The following PLCG2 variants were observed in gnomAD, a reference collection of about 807,000 sequenced individuals.
PLCG2 encodes 1-phosphatidylinositol 4,5-bisphosphate phosphodiesterase gamma-2.
Under a neutral mutation model 175.6 loss-of-function variants are expected in PLCG2, and 69 were observed. That is an observed-to-expected ratio of 0.39 (90% CI 0.32 to 0.48). The LOEUF is 0.48. Among genes scored for constraint, PLCG2 ranks in the 20% least tolerant of loss-of-function variants. The probability of loss-of-function intolerance (pLI) is 0.91; values close to 1 mark genes in which losing one functional copy is unlikely to be tolerated. For missense variants in PLCG2, 1,798 were observed against 1,650.9 expected, an observed-to-expected ratio of 1.09 and a Z score of -1.54; for synonymous variants, 827 against 624.0, an observed-to-expected ratio of 1.33 and a Z score of -4.85.
At chr16:81,868,565 C>T (rs905090809) in intron 5 of PLCG2, among the ~76,000 whole-genome samples, 6 of 152,110 alleles carry the variant, frequency 3.9e-5, no homozygotes, top group East Asian at 1.9e-4. Context: ...TCATGTGTGT[C>T]GCTAATTAGG....
chr16:81,890,934 G>T (rs1054537241), intron 10 of PLCG2, among the ~76,000 whole-genome samples: 1 of 152,146 alleles, frequency 6.6e-6, no homozygotes, highest in Non-Finnish European at 1.5e-5. Flanking sequence ...AGGCTGAGGC[G>T]GGTGGATCGC....
chr16:81,906,027 C>G (rs1397197408), intron 15 of PLCG2, among the ~76,000 whole-genome samples: 1 of 152,212 alleles, frequency 6.6e-6, no homozygotes, highest in Non-Finnish European at 1.5e-5. Context: ...TATATTTACA[C>G]ACACAAATAG....
At chr16:81,875,560 C>T (rs957020590) in intron 7 of PLCG2, among the ~76,000 whole-genome samples, 1 of 152,148 alleles carries the variant, frequency 6.6e-6, no homozygotes, top group African/African-American at 2.4e-5. Context: ...CTGACTTCAG[C>T]CATTATCACC....
chr16:81,939,883 T>G lies in PLCG2; in HGVS notation c.3314-9T>G. On this transcript the variant is annotated splice_polypyrimidine_tract_variant and intron_variant, in intron 29 of 32. Coordinates refer to ENST00000564138, the MANE Select transcript of PLCG2 (RefSeq NM_002661.5). Reference sequence around the variant, plus strand: ...ATGTGGCCTCTCATGAGCTTTGATCTCCTTCCAGATGATAATGGCCTCAGC... The same window carrying G: ...ATGTGGCCTCTCATGAGCTTTGATCGCCTTCCAGATGATAATGGCCTCAGC... The G allele has an allele frequency of 6.2e-7, 1 of 1,607,276 alleles. No individual in the cohort carries two copies. Among genetic ancestry groups the G allele is most frequent in the East Asian group, 2.2e-5 (1 of 44,792 alleles).
At chr16:81,938,539 T>A (rs1910808212) in intron 28 of PLCG2, 2 of 509,420 alleles carry the variant, frequency 3.9e-6, no homozygotes, top group Non-Finnish European at 7.0e-6. Flanking sequence ...GATGTGTGCA[T>A]TCATGAGCTC....
chr16:81,898,184 G>T, intron 13 of PLCG2: 1 of 194,874 alleles, frequency 5.1e-6, no homozygotes, highest in Non-Finnish European at 1.1e-5. Flanking sequence ...ACTAGAGGAA[G>T]TTTTTTCTGG....
chr16:81,956,658 G>A, intron 31 of PLCG2, 37 bp from the exon 32 acceptor site: 2 of 1,581,104 alleles, frequency 1.3e-6, no homozygotes, highest in Non-Finnish European at 1.7e-6. Flanking sequence ...GGAAGGTGTA[G>A]TCACCACATG....
At chr16:81,906,819 T>G (rs966249631) in intron 15 of PLCG2, among the ~76,000 whole-genome samples, 6 of 152,148 alleles carry the variant, frequency 3.9e-5, no homozygotes, top group Admixed American at 3.9e-4. Flanking sequence ...GAAGGCAGAT[T>G]ACGAGGTCAG....
intron 2 of PLCG2, among the ~76,000 whole-genome samples, chr16:81,805,572 A>T (rs1245730282): frequency 6.6e-6 from 1 of 151,440 alleles, no homozygotes; most frequent in Non-Finnish European, 1.5e-5. Flanking sequence ...AACAATAAGA[A>T]AACAACCCAA....
At chr16:81,935,050 G>A (rs1258494785) in intron 26 of PLCG2, among the ~76,000 whole-genome samples, 1 of 152,182 alleles carries the variant, frequency 6.6e-6, no homozygotes, top group Non-Finnish European at 1.5e-5. Flanking sequence ...CCCACTTAGT[G>A]GGTGGATTTA....
chr16:81,953,534 C>T (rs771895776), intron 31 of PLCG2, among the ~76,000 whole-genome samples: 1 of 151,938 alleles, frequency 6.6e-6, no homozygotes, highest in Non-Finnish European at 1.5e-5. Context: ...GCAGAGAGTG[C>T]CATAAAGATT....
intron 1 of PLCG2, among the ~76,000 whole-genome samples, chr16:81,752,462 G>T (rs943803743): frequency 6.6e-6 from 1 of 152,150 alleles, no homozygotes; most frequent in Admixed American, 6.5e-5. Flanking sequence ...GCGGCTGGCC[G>T]TGGCAGCACT....
chr16:81,854,706 T>C, intron 3 of PLCG2, 119 bp downstream of exon 3: 1 of 909,194 alleles, frequency 1.1e-6, no homozygotes, highest in Non-Finnish European at 1.7e-6. Context: ...GGGGTCATGG[T>C]TTTGAATCCC....
intron 2 of PLCG2, among the ~76,000 whole-genome samples, chr16:81,841,764 A>G (rs1259309193): frequency 8.5e-5 from 13 of 152,112 alleles, no homozygotes; most frequent in Admixed American, 4.6e-4. Flanking sequence ...TTGTCATTAC[A>G]TGTTCTTCTG....
chr16:81,871,392 G>C (rs1907506922), intron 7 of PLCG2, among the ~76,000 whole-genome samples: 1 of 152,202 alleles, frequency 6.6e-6, no homozygotes, highest in Non-Finnish European at 1.5e-5. Flanking sequence ...AGGCTGGAGT[G>C]CAGTGGTGTG....
Position 81,927,198 on chromosome 16 carries a change from C to T in PLCG2, c.2514+20C>T, listed in dbSNP as rs769324231. The T allele has an allele frequency of 3.9e-6, 6 of 1,535,500 alleles. No individual in the cohort carries two copies. In the African/African-American group the frequency reaches 8.2e-5, roughly 21 times the overall value. Reference sequence around the variant, plus strand: ...AAGCAGGTGAGTCCCCCTCTTCGATCCTCTTACAGGAAGAAGGGATCTGCA... The same window carrying T: ...AAGCAGGTGAGTCCCCCTCTTCGATTCTCTTACAGGAAGAAGGGATCTGCA... On this transcript the variant is annotated intron_variant, in intron 23 of 32. Transcript: ENST00000564138.
chr16:81,893,805 C>T lies in PLCG2; in HGVS notation c.1072+11C>T, dbSNP rs1419309754. ...GTCGCTGCATTGAACGTGAGTAGCTCCTTCTTGGTGGAGGTCAGGCTCGCA... is the reference window on the plus strand; with the variant it reads ...GTCGCTGCATTGAACGTGAGTAGCTTCTTCTTGGTGGAGGTCAGGCTCGCA... On this transcript the variant is annotated intron_variant, in intron 12 of 32. Transcript: ENST00000564138. 2.5e-6 allele frequency: 4 copies of T among 1,580,402 alleles called. No homozygotes were observed. In the South Asian group the frequency reaches 3.3e-5, roughly 13 times the overall value.
chr16:81,935,881 T>A lies in PLCG2; in HGVS notation c.2843-288T>A, dbSNP rs927337245. On this transcript the variant is annotated intron_variant, in intron 26 of 32. Coordinates refer to ENST00000564138, the MANE Select transcript of PLCG2 (RefSeq NM_002661.5). ...CTCTTCTATAACTGTACCACTTTTG[T>A]GTTTTCTTGTTCAAGGATGGTGATA... 3.0e-6 allele frequency: 3 copies of A among 985,196 alleles called. No homozygotes were observed. The African/African-American group carries it at 5.2e-5, about 17-fold the overall frequency. The allele number at this position is 985,196 out of a possible 1,614,324, so 61.0% of individuals were successfully genotyped here.
Position 81,921,570 on chromosome 16 carries a change from G to A in PLCG2, c.2307+301G>A, listed in dbSNP as rs1015292204. The stretch of plus-strand genomic sequence containing the variant: ...GTCTTTCAAATGTTTTTGGCTCGCT[G>A]ACAGAGCCTGTGGTGTTTATAAATT... On this transcript the variant is annotated intron_variant, in intron 21 of 32. Transcript: ENST00000564138. 9.6e-6 allele frequency: 4 copies of A among 417,526 alleles called. No homozygotes were observed. In the Admixed American group the frequency reaches 1.1e-4, roughly 11 times the overall value. The allele number at this position is 417,526 out of a possible 1,614,324, so 25.9% of individuals were successfully genotyped here. A position where few individuals can be genotyped will look rare whatever the true frequency, so the allele number is the denominator to read the frequency against.
Sources: allele counts gnomAD v4.1 joint callset (sites outside exome capture counted in the v4.1 genomes callset), GRCh38; gene constraint gnomAD v4.1.1; transcripts MANE v1.5; gene names NCBI Gene and HGNC (gene_info 2026-07-23, HGNC 2026-07-21).